Variants in FBXO15 observed in about 807,000 individuals in gnomAD.
The protein encoded by FBXO15 is F-box protein 15.
In FBXO15, 30 loss-of-function variants were observed where a neutral mutation model predicts 49.5. The observed-to-expected ratio is 0.61, with a 90% CI of 0.45 to 0.82. The LOEUF (loss-of-function observed/expected upper bound fraction) is 0.82, where lower values mean the gene tolerates loss of function less well. FBXO15 is among the 40% of genes least tolerant of loss of function. FBXO15 has a pLI of 0.00. For missense variants in FBXO15, 591 were observed against 631.5 expected (o/e 0.94, Z 0.69); for synonymous variants, 250 against 232.7 (o/e 1.07, Z -0.68).
Position 74,145,093 on chromosome 18 carries a change from C to T in FBXO15, c.116+2577G>A, listed in dbSNP as rs144929703. On this transcript the variant is annotated intron_variant, in intron 1 of 9. Transcript: ENST00000419743. ...GGTACTAGTTATTTTTTTTAAGTAC[C>T]AAATGCTTTTCCCTAATCTGAAACC... Among the ~76,000 whole-genome samples the T allele has an allele frequency of 5.6e-4, 85 of 152,044 alleles. 1 individual carries two copies. The highest frequency in any genetic ancestry group is 1.9e-3 in the African/African-American group (78 of 41,474).
chr18:74,122,546 A>T (rs1434826266), intron 8 of FBXO15: 1 of 152,240 alleles, frequency 6.6e-6, no homozygotes, highest in Non-Finnish European at 1.5e-5. Context: ...CATATCATTA[A>T]TGAGTGTCAA....
intron 2 of FBXO15, among the ~76,000 whole-genome samples, chr18:74,139,221 C>T (rs1209731856): frequency 6.6e-6 from 1 of 152,154 alleles, no homozygotes; most frequent in East Asian, 1.9e-4. Flanking sequence ...ACAGGTATCC[C>T]AGCTTACTGT....
At chr18:74,089,385 C>G (rs186466057) in intron 8 of FBXO15, among the ~76,000 whole-genome samples, 238 of 152,242 alleles carry the variant, frequency 1.6e-3, no homozygotes, top group African/African-American at 5.3e-3. Context: ...TGCCTGCAAA[C>G]AGGGATAATT....
At chr18:74,142,358 G>C (rs1979132743) in intron 1 of FBXO15, among the ~76,000 whole-genome samples, 1 of 152,146 alleles carries the variant, frequency 6.6e-6, no homozygotes, top group South Asian at 2.1e-4. Flanking sequence ...CCATTAACAT[G>C]GTCCTAACAT....
Position 74,130,628 on chromosome 18 carries a change from A to AG in FBXO15, c.362dup (p.Ser123PhefsTer10). The AG allele has an allele frequency of 6.2e-7, 1 of 1,613,966 alleles. No individual in the cohort carries two copies. The highest frequency in any genetic ancestry group is 8.5e-7 in the Non-Finnish European group (1 of 1,179,920). On this transcript the variant is annotated frameshift_variant, in exon 4 of 10. Transcript: ENST00000419743. LOFTEE classifies it high-confidence loss of function. ...TCCAATTTGATCTTGCAGGTGAAAA[A>AG]GCAGTTGAGTAGATTCCGATCCAAA...
chr18:74,124,644 T>G lies in FBXO15; in HGVS notation c.913-73A>C, dbSNP rs1228628830. On this transcript the variant is annotated intron_variant, in intron 6 of 9. Coordinates refer to ENST00000419743, the MANE Select transcript of FBXO15 (RefSeq NM_001142958.2). ...ATTTTTCACAAGATCATTGTGAAGATCACAGCACATTCATCTTGCAGATAG... is the reference window on the plus strand; with the variant it reads ...ATTTTTCACAAGATCATTGTGAAGAGCACAGCACATTCATCTTGCAGATAG... 3 of 1,281,760 alleles carry G rather than the reference T, an allele frequency of 2.3e-6. No individual in the cohort carries two copies. In the East Asian group the frequency reaches 6.9e-5, roughly 30 times the overall value. 79.4% of individuals were successfully genotyped at this position (1,281,760 alleles called of 1,614,324 possible).
At chr18:74,083,165 G>C (rs1394386596) in intron 8 of FBXO15, among the ~76,000 whole-genome samples, 1 of 152,154 alleles carries the variant, frequency 6.6e-6, no homozygotes, top group Non-Finnish European at 1.5e-5. Context: ...GTTTCTCCAC[G>C]TCTTACTTCT....
intron 8 of FBXO15, among the ~76,000 whole-genome samples, chr18:74,111,803 T>C (rs1490569886): frequency 6.6e-6 from 1 of 151,852 alleles, no homozygotes; most frequent in Non-Finnish European, 1.5e-5. Context: ...CAAGGTAAAC[T>C]AAGAAAAAAC....
chr18:74,113,730 T>C (rs1348230215), intron 8 of FBXO15, among the ~76,000 whole-genome samples: 1 of 152,254 alleles, frequency 6.6e-6, no homozygotes, highest in Non-Finnish European at 1.5e-5. Flanking sequence ...TACTGTACCA[T>C]GCAAAACATT....
intron 6 of FBXO15, among the ~76,000 whole-genome samples, chr18:74,125,030 C>T (rs941969191): frequency 6.6e-6 from 1 of 152,208 alleles, no homozygotes; most frequent in Non-Finnish European, 1.5e-5. Flanking sequence ...AACTTCTTCA[C>T]TTGTCCATGA....
At chr18:74,121,434 C>T (rs1254287419) in intron 8 of FBXO15, among the ~76,000 whole-genome samples, 1 of 152,142 alleles carries the variant, frequency 6.6e-6, no homozygotes, top group East Asian at 1.9e-4. Context: ...AATTCTGAAA[C>T]ACTCCTCAAA....
At chr18:74,129,255 C>A in intron 5 of FBXO15, 150 bp downstream of exon 5, 4 of 668,588 alleles carry the variant, frequency 6.0e-6, no homozygotes, top group Admixed American at 3.3e-5. Context: ...AAAATGCACT[C>A]TTTTCCTCTT....
intron 2 of FBXO15, among the ~76,000 whole-genome samples, chr18:74,137,545 A>G (rs1182703891): frequency 6.6e-6 from 1 of 152,174 alleles, no homozygotes; most frequent in Non-Finnish European, 1.5e-5. Flanking sequence ...AAAGGGGGGT[A>G]CTCTGTGTCC....
chr18:74,084,119 C>G (rs893066956), intron 8 of FBXO15, among the ~76,000 whole-genome samples: 2 of 152,186 alleles, frequency 1.3e-5, no homozygotes, highest in African/African-American at 4.8e-5. Context: ...TAATTAATTA[C>G]TAGCCAATAA....
At chr18:74,085,015 C>T (rs984433873) in intron 8 of FBXO15, among the ~76,000 whole-genome samples, 3 of 151,954 alleles carry the variant, frequency 2.0e-5, no homozygotes, top group East Asian at 3.9e-4. Context: ...TGGAGATGTG[C>T]CATGTTTGTA....
rs1912235039 is a variant in FBXO15 at position 74,075,816 on chromosome 18, G to T, written c.1264-2086C>A. ...CCCATTGCTGAGGTTCCTACAGCTT[G>T]GTCCTAGGCCCTATTTTCACTCTAT... is the stretch of plus-strand genomic sequence containing the variant. On this transcript the variant is annotated intron_variant, in intron 9 of 9. Transcript: ENST00000419743. This position sits in a 1 kb window ranked among gnomAD's most constrained non-coding sequence, Gnocchi z 4.1. 6.6e-6 allele frequency among the ~76,000 whole-genome samples: 1 copy of T among 152,136 alleles called. No homozygotes were observed. The highest frequency in any genetic ancestry group is 6.5e-5 in the Admixed American group (1 of 15,274).
chr18:74,138,059 C>A (rs1978831080), intron 2 of FBXO15, among the ~76,000 whole-genome samples: 1 of 152,112 alleles, frequency 6.6e-6, no homozygotes, highest in Non-Finnish European at 1.5e-5. Flanking sequence ...CCCTCTTCCA[C>A]ACTGTTCATA....
At chr18:74,117,877 C>A (rs781616704) in intron 8 of FBXO15, among the ~76,000 whole-genome samples, 1 of 152,156 alleles carries the variant, frequency 6.6e-6, no homozygotes, top group Non-Finnish European at 1.5e-5. Flanking sequence ...GGCGAGCCCT[C>A]TTCTCTGAAG....
chr18:74,106,611 G>A lies in FBXO15; in HGVS notation c.1138+16757C>T, dbSNP rs138582200. On this transcript the variant is annotated intron_variant, in intron 8 of 9. Transcript: ENST00000419743. Reference sequence around the variant, plus strand: ...ATTAAGGTTAAACACATAGTTAAGAGGTGGTACTGAAGTCAGATCCTAAGA... The same window carrying A: ...ATTAAGGTTAAACACATAGTTAAGAAGTGGTACTGAAGTCAGATCCTAAGA... Among the ~76,000 whole-genome samples the A allele has an allele frequency of 7.4e-4, 113 of 152,236 alleles. No homozygotes were observed. The Middle Eastern group carries it at 0.014, about 18-fold the overall frequency.
Sources: allele counts gnomAD v4.1 joint callset (sites outside exome capture counted in the v4.1 genomes callset), GRCh38; gene constraint gnomAD v4.1.1; non-coding constraint Gnocchi (gnomAD v3.1); transcripts MANE v1.5; gene names NCBI Gene and HGNC (gene_info 2026-07-23, HGNC 2026-07-21).